ACAP2: variants seen among roughly 807,000 people sequenced by gnomAD.
ACAP2 encodes the protein ArfGAP with coiled-coil, ankyrin repeat and PH domains 2.
ACAP2 carries 39 observed loss-of-function variants against 115.8 expected under a neutral mutation model. The ratio of observed to expected loss-of-function variants is 0.34; its 90% CI spans 0.26 to 0.44. The LOEUF (loss-of-function observed/expected upper bound fraction) is 0.44. ACAP2 is among the 20% of genes least tolerant of loss of function. ACAP2 has a pLI of 1.00. For missense variants in ACAP2, 662 were observed against 927.6 expected (o/e 0.71, Z 3.72); for synonymous variants, 289 against 315.8 (o/e 0.92, Z 0.90).
At chr3:195,404,722 G>A (rs551297620) in intron 1 of ACAP2, among the ~76,000 whole-genome samples, 142 of 143,742 alleles carry the variant, frequency 9.9e-4, no homozygotes, top group African/African-American at 3.5e-3. Flanking sequence ...ATACACACAC[G>A]CACATATGTA....
intron 6 of ACAP2, among the ~76,000 whole-genome samples, chr3:195,337,617 T>A (rs1442471019): frequency 6.6e-6 from 1 of 152,110 alleles, no homozygotes; most frequent in Non-Finnish European, 1.5e-5. Context: ...CTCGGCTAAT[T>A]TTTTCTATTT....
At chr3:195,418,280 C>G (rs1713902073) in intron 1 of ACAP2, among the ~76,000 whole-genome samples, 1 of 152,192 alleles carries the variant, frequency 6.6e-6, no homozygotes, top group African/African-American at 2.4e-5. Context: ...CCAGGATTCA[C>G]TTAAATTATA....
chr3:195,324,737 G>C (rs1281885067), intron 9 of ACAP2, among the ~76,000 whole-genome samples: 1 of 151,324 alleles, frequency 6.6e-6, no homozygotes, highest in African/African-American at 2.4e-5. Flanking sequence ...CTGGGCGACA[G>C]GACCAAAATA....
At chr3:195,417,325 G>A (rs772526503) in intron 1 of ACAP2, among the ~76,000 whole-genome samples, 5 of 151,900 alleles carry the variant, frequency 3.3e-5, no homozygotes, top group South Asian at 4.2e-4. Context: ...ACTCAAAAAC[G>A]GGCATCAAAT....
At chr3:195,282,435 G>C (rs1265308231) in intron 22 of ACAP2, 1 of 152,178 alleles carries the variant, frequency 6.6e-6, no homozygotes, top group Non-Finnish European at 1.5e-5. Flanking sequence ...ATTAATTAAT[G>C]CACTGTTAAT....
chr3:195,297,053 GAGAT>G (rs1303729479), intron 16 of ACAP2, 133 bp downstream of exon 16: 33 of 697,544 alleles, frequency 4.7e-5, no homozygotes, highest in Admixed American at 4.3e-4. Context: ...ACCGAAGAAA[GAGAT>G]AGCCAACATT....
chr3:195,305,967 T>C (rs1728394236), intron 13 of ACAP2, among the ~76,000 whole-genome samples: 1 of 152,038 alleles, frequency 6.6e-6, no homozygotes, highest in Non-Finnish European at 1.5e-5. Flanking sequence ...ACTAAGCCTA[T>C]GCCACAGTCT....
At chr3:195,427,339 T>C (rs1478729148) in intron 1 of ACAP2, among the ~76,000 whole-genome samples, 1 of 152,120 alleles carries the variant, frequency 6.6e-6, no homozygotes, top group Non-Finnish European at 1.5e-5. Flanking sequence ...TCATTTTGTG[T>C]CGTTTTAGGC....
intron 1 of ACAP2, among the ~76,000 whole-genome samples, chr3:195,399,805 G>T (rs769728369): frequency 3.3e-5 from 5 of 151,944 alleles, no homozygotes; most frequent in Non-Finnish European, 7.4e-5. Flanking sequence ...TCATAACTCA[G>T]ATATCAACAA....
chr3:195,283,845 CTAAAA>C (rs201409650), intron 22 of ACAP2, among the ~76,000 whole-genome samples: 1 of 151,996 alleles, frequency 6.6e-6, no homozygotes, highest in East Asian at 1.9e-4. Flanking sequence ...AACCTCTAAA[CTAAAA>C]TGTGAGAATG....
intron 4 of ACAP2, among the ~76,000 whole-genome samples, chr3:195,356,734 C>A (rs1291072900): frequency 6.6e-6 from 1 of 151,948 alleles, no homozygotes; most frequent in African/African-American, 2.4e-5. Flanking sequence ...ACACCCTGGG[C>A]CAGAAGGAAC....
At chr3:195,424,345 A>C (rs1444415395) in intron 1 of ACAP2, among the ~76,000 whole-genome samples, 2 of 126,968 alleles carry the variant, frequency 1.6e-5, no homozygotes, top group African/African-American at 6.2e-5. Flanking sequence ...CCCAGGCTGG[A>C]GTGCAGTGGC....
At chr3:195,304,457 A>T (rs7652612) in intron 13 of ACAP2, among the ~76,000 whole-genome samples, 35,925 of 151,884 alleles carry the variant, frequency 0.24, 4,935 homozygotes, top group East Asian at 0.7. Flanking sequence ...CAATTCACGA[A>T]AGTATTAATA....
chr3:195,400,993 T>C (rs1712239623), intron 1 of ACAP2, among the ~76,000 whole-genome samples: 1 of 151,846 alleles, frequency 6.6e-6, no homozygotes, highest in African/African-American at 2.4e-5. Flanking sequence ...AGCCCAAGAG[T>C]TTCAGACCAG....
chr3:195,418,090 T>C (rs1713888827), intron 1 of ACAP2, among the ~76,000 whole-genome samples: 1 of 152,214 alleles, frequency 6.6e-6, no homozygotes, highest in African/African-American at 2.4e-5. Context: ...ATACTTTTCC[T>C]GCATTTGGGC....
At chr3:195,332,172 G>C (rs1299044854) in intron 8 of ACAP2, among the ~76,000 whole-genome samples, 1 of 150,652 alleles carries the variant, frequency 6.6e-6, no homozygotes, top group Non-Finnish European at 1.5e-5. Flanking sequence ...CATAGCCATA[G>C]ATAGGCCACA....
intron 1 of ACAP2, among the ~76,000 whole-genome samples, chr3:195,399,205 T>C (rs1179007189): frequency 6.6e-6 from 1 of 152,236 alleles, no homozygotes; most frequent in Admixed American, 6.5e-5. Flanking sequence ...AGATTTTATA[T>C]TAACAAGTTT....
chr3:195,293,341 A>G (rs1727394102), intron 18 of ACAP2, among the ~76,000 whole-genome samples: 1 of 152,216 alleles, frequency 6.6e-6, no homozygotes, highest in Admixed American at 6.5e-5. Flanking sequence ...CTGCAGGACC[A>G]AAATCACTGA....
intron 4 of ACAP2, chr3:195,349,901 A>T (rs57178061): frequency 0.3 from 72,645 of 239,098 alleles, 12,772 homozygotes; most frequent in East Asian, 0.81. Flanking sequence ...ATCTCATAGG[A>T]TCCCATATGT....
Sources: gnomAD v4.1 joint callset for allele counts (sites outside exome capture counted in the v4.1 genomes callset) on GRCh38, gnomAD v4.1.1 for gene constraint, MANE v1.5 for transcripts, NCBI Gene and HGNC (gene_info 2026-07-23, HGNC 2026-07-21) for gene names.